Variants in TACC2 observed in about 807,000 individuals in gnomAD.
The protein encoded by TACC2 is transforming acidic coiled-coil containing protein 2.
A neutral mutation model predicts 227.3 loss-of-function variants in TACC2; 137 were observed. The ratio of observed to expected loss-of-function variants is 0.60; its 90% CI spans 0.52 to 0.69. The LOEUF is 0.69. Among genes scored for constraint, TACC2 ranks in the 30% least tolerant of loss-of-function variants. TACC2 has a pLI of 0.00. For synonymous variants in TACC2, 1,523 were observed against 1,487.5 expected (o/e 1.02, Z -0.55); for missense variants, 3,470 against 3,694.4 (o/e 0.94, Z 1.57).
Position 122,205,528 on chromosome 10 carries a change from G to T in TACC2, c.5972-4869G>T, listed in dbSNP as rs538573378. Among the ~76,000 whole-genome samples, 85 of 152,328 alleles carry T rather than the reference G, an allele frequency of 5.6e-4. No homozygotes were observed. The highest frequency in any genetic ancestry group is 6.3e-4 in the Non-Finnish European group (43 of 68,032). On this transcript the variant is annotated intron_variant, in intron 8 of 22. Coordinates refer to ENST00000369005, the MANE Select transcript of TACC2 (RefSeq NM_206862.4). The surrounding 1 kb of genome is among the most constrained non-coding windows in gnomAD (Gnocchi z 4.5). The stretch of plus-strand genomic sequence containing the variant: ...TTATCCTCAAAGCTGACTCATTTTT[G>T]TGGCCAAATACTAAAGTGTTACCCA...
intron 11 of TACC2, among the ~76,000 whole-genome samples, chr10:122,220,802 T>C (rs1274153710): frequency 1.3e-5 from 2 of 152,250 alleles, no homozygotes; most frequent in Non-Finnish European, 2.9e-5. Context: ...GTCTTTTACA[T>C]TCATGATTTC....
chr10:122,063,395 C>T (rs2077050217), intron 3 of TACC2, among the ~76,000 whole-genome samples: 1 of 152,122 alleles, frequency 6.6e-6, no homozygotes, highest in South Asian at 2.1e-4. Context: ...TTATCTTTGG[C>T]AGGAAGTAAA....
At chr10:122,190,328 A>G (rs1471759921) in intron 7 of TACC2, among the ~76,000 whole-genome samples, 1 of 152,164 alleles carries the variant, frequency 6.6e-6, no homozygotes, top group Admixed American at 6.5e-5. Flanking sequence ...CCCTTCTTTC[A>G]CACGGTGTGT....
intron 2 of TACC2, among the ~76,000 whole-genome samples, chr10:122,046,554 G>A (rs1186286628): frequency 6.6e-6 from 1 of 152,052 alleles, no homozygotes; most frequent in Non-Finnish European, 1.5e-5. Context: ...AGAGACGCCT[G>A]CCTTTTGTTT....
chr10:121,996,241 A>C (rs2134932825), intron 1 of TACC2, among the ~76,000 whole-genome samples: 1 of 152,066 alleles, frequency 6.6e-6, no homozygotes, highest in South Asian at 2.1e-4. Flanking sequence ...TTTTGTAGAG[A>C]GACCGGGTCT....
chr10:122,041,713 C>T (rs2074294204), intron 2 of TACC2, among the ~76,000 whole-genome samples: 1 of 152,184 alleles, frequency 6.6e-6, no homozygotes, highest in Admixed American at 6.5e-5. Flanking sequence ...TCCCAAAGTG[C>T]TAGGATTACA....
Position 122,050,474 on chromosome 10 carries a change from C to G in TACC2, c.70C>G (p.Pro24Ala). ...AGCTCAGACTCCAAGGTCCGCGCAG[C>G]CACCCGGGAACAGTCAGAATATAAA... is the stretch of plus-strand genomic sequence containing the variant. The part of the protein sequence containing the change: ...LSAQTPRSAQ[P>A]PGNSQNIKRK... The change falls in exon 3 of 23, where the codon CCA (proline) becomes GCA (alanine). Residue 24 changes from proline to alanine, a missense_variant. Coordinates refer to ENST00000369005, the MANE Select transcript of TACC2 (RefSeq NM_206862.4). This position sits in a 1 kb window ranked among gnomAD's most constrained non-coding sequence, Gnocchi z 4.6. 6.2e-7 allele frequency: 1 copy of G among 1,614,102 alleles called. No homozygotes were observed. The highest frequency in any genetic ancestry group is 8.5e-7 in the Non-Finnish European group (1 of 1,180,024).
intron 7 of TACC2, among the ~76,000 whole-genome samples, chr10:122,176,117 C>CTCTCTCTATATA (rs1447382017): frequency 1.3e-4 from 7 of 54,652 alleles, no homozygotes; most frequent in Admixed American, 4.5e-4. Context: ...CTCTCTCTCT[C>CTCTCTCTATATA]TATATATATA....
At chr10:122,069,792 T>C (rs2077829867) in intron 3 of TACC2, among the ~76,000 whole-genome samples, 1 of 152,216 alleles carries the variant, frequency 6.6e-6, no homozygotes, top group African/African-American at 2.4e-5. Context: ...AAAAAAAGAA[T>C]AAGAGACAAG....
chr10:122,157,779 G>T (rs2092579982), intron 7 of TACC2, among the ~76,000 whole-genome samples: 1 of 151,878 alleles, frequency 6.6e-6, no homozygotes, highest in South Asian at 2.1e-4. Flanking sequence ...GCTACCTCAT[G>T]AGCGTCTCCT....
intron 16 of TACC2, among the ~76,000 whole-genome samples, chr10:122,232,802 C>G (rs1368133570): frequency 6.6e-6 from 1 of 152,140 alleles, no homozygotes; most frequent in East Asian, 1.9e-4. Context: ...TTGGAAACTC[C>G]TGATGCATAG....
Position 122,155,867 on chromosome 10 carries a change from T to C in TACC2, c.5834+12161T>C, listed in dbSNP as rs532202332. ...TTTTTTTTTTTTTTGAGACTGAGTC[T>C]CACTCTGTCGCCCAGGCTGGAGTGC... On this transcript the variant is annotated intron_variant, in intron 7 of 22. Coordinates refer to ENST00000369005, the MANE Select transcript of TACC2 (RefSeq NM_206862.4). Among the ~76,000 whole-genome samples, 8 of 138,512 alleles carry C rather than the reference T, an allele frequency of 5.8e-5. No individual in the cohort carries two copies. In the South Asian group the frequency reaches 1.9e-3, roughly 33 times the overall value. 90.9% of individuals were successfully genotyped at this position (138,512 alleles called of 152,430 possible).
intron 9 of TACC2, among the ~76,000 whole-genome samples, chr10:122,214,962 A>G (rs959306815): frequency 1.3e-5 from 2 of 152,084 alleles, no homozygotes; most frequent in East Asian, 3.9e-4. Flanking sequence ...TCAGTTGTTC[A>G]TTAAGTGAGG....
At chr10:122,245,932 G>A (rs1056736583) in intron 19 of TACC2, among the ~76,000 whole-genome samples, 1 of 152,140 alleles carries the variant, frequency 6.6e-6, no homozygotes, top group African/African-American at 2.4e-5. Context: ...TCGAACTCAG[G>A]CAGTTCAGAG....
intron 7 of TACC2, among the ~76,000 whole-genome samples, chr10:122,189,993 C>G (rs2094352353): frequency 6.6e-6 from 1 of 152,164 alleles, no homozygotes; most frequent in African/African-American, 2.4e-5. Flanking sequence ...TTTATTATTT[C>G]AAGCCCTTAA....
At chr10:122,192,548 A>G in intron 7 of TACC2, 1 of 386,408 alleles carries the variant, frequency 2.6e-6, no homozygotes, top group Non-Finnish European at 5.3e-6. Context: ...ACGCTGGAGA[A>G]GCTCACAGCA....
At chr10:122,047,209 A>T (rs577104477) in intron 2 of TACC2, among the ~76,000 whole-genome samples, 1 of 139,714 alleles carries the variant, frequency 7.2e-6, no homozygotes, top group South Asian at 2.4e-4. Context: ...GAATCGCTTG[A>T]ATCCGGGAAG....
rs564421543 is a variant in TACC2, at chr10:122,085,009, C to T, written c.2509C>T (p.Pro837Ser). ...EKHLQPSQAQ[P>S]ETSIFDVLKE... Reference sequence around the variant, plus strand: ...GCATCTCCAGCCATCCCAGGCACAACCAGAGACATCCATCTTTGACGTGCT... The same window carrying T: ...GCATCTCCAGCCATCCCAGGCACAATCAGAGACATCCATCTTTGACGTGCT... Residue 837 changes from proline (P) to serine (S), a missense_variant, in exon 4 of 23, where the codon CCA becomes TCA. Physicochemically the swap from Pro to Ser is moderately conservative, Grantham distance 74. Transcript: ENST00000369005. 3 of 1,614,210 alleles carry T rather than the reference C, an allele frequency of 1.9e-6. No individual in the cohort carries two copies. Among genetic ancestry groups the T allele is most frequent in the South Asian group, 1.1e-5 (1 of 91,088 alleles).
At chr10:122,096,288 T>A (rs1026108047) in intron 5 of TACC2, among the ~76,000 whole-genome samples, 1 of 152,180 alleles carries the variant, frequency 6.6e-6, no homozygotes, top group African/African-American at 2.4e-5. Context: ...TGCGCACCCG[T>A]ATCTGAGCTG....
Sources: gnomAD v4.1 joint callset for allele counts (sites outside exome capture counted in the v4.1 genomes callset) on GRCh38, gnomAD v4.1.1 for gene constraint, Gnocchi (gnomAD v3.1) non-coding constraint, MANE v1.5 for transcripts, NCBI Gene and HGNC (gene_info 2026-07-23, HGNC 2026-07-21) for gene names.